Variants in SLC39A9 observed in about 807,000 individuals in gnomAD.
SLC39A9 encodes the protein solute carrier family 39 member 9.
Under a neutral mutation model 28.4 loss-of-function variants are expected in SLC39A9, and 14 were observed. That is an observed-to-expected ratio of 0.49 (90% CI 0.33 to 0.77). SLC39A9 has a LOEUF of 0.77. Ranked by LOEUF, SLC39A9 falls within the 30% of genes least tolerant of loss-of-function variation. The pLI, the probability that SLC39A9 is intolerant of heterozygous loss-of-function variation, is 0.02. For missense variants in SLC39A9, 283 were observed against 381.1 expected (o/e 0.74, Z 2.14); for synonymous variants, 119 against 149.6 (o/e 0.80, Z 1.49).
At chr14:69,407,636 T>G (rs941324998) in intron 1 of SLC39A9, among the ~76,000 whole-genome samples, 15 of 150,166 alleles carry the variant, frequency 1.0e-4, no homozygotes, top group Non-Finnish European at 4.4e-5. Flanking sequence ...GCCAATTTTC[T>G]TTCTTTTTTT....
intron 1 of SLC39A9, among the ~76,000 whole-genome samples, chr14:69,416,842 G>A (rs1883603974): frequency 1.3e-5 from 2 of 152,110 alleles, no homozygotes; most frequent in Non-Finnish European, 2.9e-5. Context: ...TTGTAAATTT[G>A]TTTAAGTTCT....
At position 69,451,938 on chromosome 14, in the gene SLC39A9, A is replaced by G. The variant is rs1885630385; in HGVS notation, c.404-1303A>G. Among the ~76,000 whole-genome samples the G allele has an allele frequency of 2.0e-5, 3 of 151,762 alleles. No individual in the cohort carries two copies. In the South Asian group the frequency reaches 6.3e-4, roughly 32 times the overall value. ...GTGATGTTGCCCAGGCTGGTCTCAA[A>G]CTCCTGGCCTCAAGTGATCCTCCCC... On this transcript the variant is annotated intron_variant, in intron 3 of 6. Transcript: ENST00000336643.
At chr14:69,450,506 G>A (rs1314472702) in intron 3 of SLC39A9, among the ~76,000 whole-genome samples, 1 of 152,118 alleles carries the variant, frequency 6.6e-6, no homozygotes, top group Non-Finnish European at 1.5e-5. Context: ...CAGTCACAAT[G>A]GTGCACGCCT....
intron 3 of SLC39A9, among the ~76,000 whole-genome samples, chr14:69,445,245 C>T (rs575397478): frequency 2.2e-4 from 34 of 151,694 alleles, no homozygotes; most frequent in Admixed American, 2.0e-3. Context: ...CCCCCTTCCA[C>T]CTCCTTCACC....
Position 69,460,928 on chromosome 14 carries a change from A to G in SLC39A9, c.*2335A>G, listed in dbSNP as rs977192039. Reference sequence around the variant, plus strand: ...ATCTTCAGGCAGCAGGGAACCAAGCAGCGTGGCACAGGCCTTCTTGACTGG... The same window carrying G: ...ATCTTCAGGCAGCAGGGAACCAAGCGGCGTGGCACAGGCCTTCTTGACTGG... On this transcript the variant is annotated 3_prime_UTR_variant, in exon 7 of 7. Transcript: ENST00000336643. 2.0e-6 allele frequency: 2 copies of G among 985,486 alleles called. No individual in the cohort carries two copies. Among genetic ancestry groups the G allele is most frequent in the African/African-American group, 3.5e-5 (2 of 57,238 alleles). The allele number at this position is 985,486 out of a possible 1,614,324, so 61.0% of individuals were successfully genotyped here.
rs115832846 is a variant in SLC39A9, at chr14:69,449,370, T to C, written c.404-3871T>C. Among the ~76,000 whole-genome samples, 978 of 152,278 alleles carry C rather than the reference T, an allele frequency of 6.4e-3. 5 individuals carry two copies. The highest frequency in any genetic ancestry group is 0.022 in the African/African-American group (934 of 41,546). Reference sequence around the variant, plus strand: ...TGAGCATGGTGACTCACGCCTGTAATCCCAAGCGATTTGGGAGGCCAAGAC... The same window carrying C: ...TGAGCATGGTGACTCACGCCTGTAACCCCAAGCGATTTGGGAGGCCAAGAC... On this transcript the variant is annotated intron_variant, in intron 3 of 6. Transcript: ENST00000336643.
At chr14:69,438,791 A>T (rs980094441) in intron 2 of SLC39A9, among the ~76,000 whole-genome samples, 1 of 152,232 alleles carries the variant, frequency 6.6e-6, no homozygotes, top group Non-Finnish European at 1.5e-5. Flanking sequence ...ATTGTCAGCC[A>T]TGGCTCAATG....
At chr14:69,457,244 C>G (rs1337766268) in intron 6 of SLC39A9, among the ~76,000 whole-genome samples, 4 of 151,888 alleles carry the variant, frequency 2.6e-5, no homozygotes, top group Non-Finnish European at 5.9e-5. Flanking sequence ...TGCCTGTCAC[C>G]CAGGCTGGAG....
intron 6 of SLC39A9, among the ~76,000 whole-genome samples, chr14:69,458,127 T>C (rs1199698983): frequency 6.6e-6 from 1 of 152,210 alleles, no homozygotes; most frequent in Non-Finnish European, 1.5e-5. Flanking sequence ...TATATAATTA[T>C]AAATTGTTGA....
chr14:69,402,877 T>G (rs967929288), intron 1 of SLC39A9, among the ~76,000 whole-genome samples: 9 of 151,866 alleles, frequency 5.9e-5, no homozygotes, highest in African/African-American at 2.2e-4. Context: ...AGGTCAGGAG[T>G]TCGAGACCAG....
At chr14:69,438,321 C>T (rs931191236) in intron 2 of SLC39A9, among the ~76,000 whole-genome samples, 1 of 152,134 alleles carries the variant, frequency 6.6e-6, no homozygotes, top group Non-Finnish European at 1.5e-5. Context: ...GCGCCTGACC[C>T]CCCTCTTTCT....
At position 69,460,389 on chromosome 14, in the gene SLC39A9, C is replaced by T. The variant is rs954801223; in HGVS notation, c.*1796C>T. ...CAACAATTGCATACAATTTTACTAC[C>T]AAGAGAAGGTATAGTATGGAAAGTC... On this transcript the variant is annotated 3_prime_UTR_variant, in exon 7 of 7. Coordinates refer to ENST00000336643, the MANE Select transcript of SLC39A9 (RefSeq NM_018375.5). The T allele has an allele frequency of 1.0e-6, 1 of 985,286 alleles. No individual in the cohort carries two copies. The highest frequency in any genetic ancestry group is 1.1e-4 in the East Asian group (1 of 8,830). The allele number at this position is 985,286 out of a possible 1,614,324, so 61.0% of individuals were successfully genotyped here.
intron 2 of SLC39A9, among the ~76,000 whole-genome samples, chr14:69,424,939 A>G (rs1884106889): frequency 1.3e-5 from 2 of 152,232 alleles, no homozygotes; most frequent in South Asian, 2.1e-4. Flanking sequence ...ATTTCTTACT[A>G]GATACAATAT....
At chr14:69,456,357 G>A (rs953356262) in intron 6 of SLC39A9, among the ~76,000 whole-genome samples, 1 of 152,164 alleles carries the variant, frequency 6.6e-6, no homozygotes, top group African/African-American at 2.4e-5. Context: ...ACTGCTCACT[G>A]AAAGAAGAGA....
upstream of SLC39A9, chr14:69,398,389 C>G (rs1882428260): frequency 1.0e-6 from 1 of 977,068 alleles, no homozygotes. Flanking sequence ...GAGGCACAGT[C>G]ACTTCCGGCA....
chr14:69,401,519 T>C (rs1882634467), intron 1 of SLC39A9, among the ~76,000 whole-genome samples: 2 of 152,236 alleles, frequency 1.3e-5, no homozygotes, highest in African/African-American at 4.8e-5. Flanking sequence ...CCAGTAAAAC[T>C]TTTTATTTCT....
upstream of SLC39A9, chr14:69,398,600 C>T: frequency 3.3e-6 from 1 of 305,378 alleles, no homozygotes. Context: ...AAAATGGCGG[C>T]AACGTAAGTA....
At chr14:69,418,078 C>G (rs1883673009) in intron 1 of SLC39A9, among the ~76,000 whole-genome samples, 1 of 152,078 alleles carries the variant, frequency 6.6e-6, no homozygotes, top group African/African-American at 2.4e-5. Context: ...AGTTTTTGCC[C>G]ATTCAGTGTG....
At position 69,411,257 on chromosome 14, in the gene SLC39A9, T is replaced by G. The variant is rs191530547; in HGVS notation, c.96+11792T>G. Among the ~76,000 whole-genome samples the G allele has an allele frequency of 2.9e-3, 439 of 152,094 alleles. 3 individuals carry two copies. The highest frequency in any genetic ancestry group is 0.01 in the African/African-American group (427 of 41,496). ...ACTTTAAAAATTGTTGGCTTGTCTT[T>G]AGGTGAACCAATTTGTTGACTGTTT... On this transcript the variant is annotated intron_variant, in intron 1 of 6. Transcript: ENST00000336643.
Sources: gnomAD v4.1 joint callset for allele counts (sites outside exome capture counted in the v4.1 genomes callset) on GRCh38, gnomAD v4.1.1 for gene constraint, MANE v1.5 for transcripts, NCBI Gene and HGNC (gene_info 2026-07-23, HGNC 2026-07-21) for gene names.